RALGPS1: variants seen among roughly 807,000 people sequenced by gnomAD.
RALGPS1 encodes the protein Ral GEF with PH domain and SH3 binding motif 1, also known as ras-specific guanine nucleotide-releasing factor RalGPS1.
A neutral mutation model predicts 78.8 loss-of-function variants in RALGPS1; 19 were observed. That is an observed-to-expected ratio of 0.24 (90% CI 0.17 to 0.35). The LOEUF (loss-of-function observed/expected upper bound fraction) is 0.35, where lower values mean the gene tolerates loss of function less well. RALGPS1 is among the 10% of genes least tolerant of loss of function. The probability of loss-of-function intolerance (pLI) is 1.00; values close to 1 mark genes in which losing one functional copy is unlikely to be tolerated. For missense variants in RALGPS1, 454 were observed against 688.3 expected (o/e 0.66, Z 3.81); for synonymous variants, 228 against 256.3 (o/e 0.89, Z 1.06).
intron 4 of RALGPS1, among the ~76,000 whole-genome samples, chr9:127,016,244 G>A (rs909925636): frequency 3.9e-5 from 6 of 152,104 alleles, no homozygotes; most frequent in Admixed American, 6.5e-5. Context: ...ATTTGCCCTC[G>A]AAACACTGAA....
At chr9:127,075,113 C>T (rs1403820968) in intron 8 of RALGPS1, among the ~76,000 whole-genome samples, 2 of 152,224 alleles carry the variant, frequency 1.3e-5, no homozygotes, top group East Asian at 3.9e-4. Flanking sequence ...CACCTCATCT[C>T]AGCTGCTGCT....
chr9:126,956,249 C>T (rs3120027), intron 1 of RALGPS1, among the ~76,000 whole-genome samples: 2,173 of 151,872 alleles, frequency 0.014, 32 homozygotes, highest in Middle Eastern at 0.02. Flanking sequence ...GTTCTCAGGG[C>T]GGGGCTAGGC....
At chr9:127,159,562 A>T (rs1429145447) in intron 8 of RALGPS1, among the ~76,000 whole-genome samples, 1 of 152,214 alleles carries the variant, frequency 6.6e-6, no homozygotes, top group African/African-American at 2.4e-5. Context: ...CAGCTTTCAC[A>T]AAAGGAATAC....
At chr9:127,178,045 G>T in intron 11 of RALGPS1, 1 of 1,482,338 alleles carries the variant, frequency 6.7e-7, no homozygotes, top group African/African-American at 1.4e-5. Context: ...CCGGCCCAGG[G>T]TCCTGGGGAG....
At chr9:127,155,923 T>A (rs1045783197) in intron 8 of RALGPS1, among the ~76,000 whole-genome samples, 1 of 151,878 alleles carries the variant, frequency 6.6e-6, no homozygotes, top group Non-Finnish European at 1.5e-5. Context: ...CTTCTAAAAC[T>A]GTAGTATATA....
intron 4 of RALGPS1, among the ~76,000 whole-genome samples, chr9:126,992,712 T>A (rs563560124): frequency 6.6e-6 from 1 of 152,344 alleles, no homozygotes; most frequent in Non-Finnish European, 1.5e-5. Flanking sequence ...ATGTAGGTCT[T>A]CTCTAATTTA....
intron 4 of RALGPS1, among the ~76,000 whole-genome samples, chr9:127,001,816 G>T (rs563225595): frequency 2.0e-5 from 3 of 152,110 alleles, no homozygotes; most frequent in African/African-American, 7.2e-5. Context: ...CCTGGGAGGC[G>T]GAGGTTGCAG....
rs1194511765 is a variant in RALGPS1, at chr9:127,115,124, A to G, written c.610+45768A>G. Among the ~76,000 whole-genome samples the G allele has an allele frequency of 3.3e-5, 5 of 152,286 alleles. No individual in the cohort carries two copies. In the South Asian group the frequency reaches 8.3e-4, roughly 25 times the overall value. ...TATCTCATTGGCTCTTAATAGCTCT[A>G]TGAGTAGGGGACCATACATCCTGGT... On this transcript the variant is annotated intron_variant, in intron 8 of 18. Transcript: ENST00000259351.
At chr9:127,139,116 G>C (rs770045226) in intron 8 of RALGPS1, among the ~76,000 whole-genome samples, 1 of 152,122 alleles carries the variant, frequency 6.6e-6, no homozygotes, top group Non-Finnish European at 1.5e-5. Context: ...CAGACCTCAG[G>C]GCCAACAGTG....
At chr9:127,144,854 G>A (rs2058006900) in intron 8 of RALGPS1, among the ~76,000 whole-genome samples, 1 of 152,190 alleles carries the variant, frequency 6.6e-6, no homozygotes, top group South Asian at 2.1e-4. Flanking sequence ...CGGGGAATGG[G>A]GAGTGATTGC....
chr9:127,063,976 A>G (rs2049446687), intron 7 of RALGPS1, among the ~76,000 whole-genome samples: 1 of 152,224 alleles, frequency 6.6e-6, no homozygotes, highest in South Asian at 2.1e-4. Context: ...ATCATACCAG[A>G]TGCAGGGAAC....
At chr9:127,069,899 C>A (rs950713382) in intron 8 of RALGPS1, 1 of 152,162 alleles carries the variant, frequency 6.6e-6, no homozygotes, top group Non-Finnish European at 1.5e-5. Flanking sequence ...TATGCTTACT[C>A]TATCCTAAAA....
At chr9:126,950,163 A>C (rs1441651555) in intron 1 of RALGPS1, among the ~76,000 whole-genome samples, 1 of 149,806 alleles carries the variant, frequency 6.7e-6, no homozygotes, top group Non-Finnish European at 1.5e-5. Context: ...GTTCTGTTCC[A>C]TTGATCTATA....
chr9:127,030,783 TG>T (rs1320038665), intron 4 of RALGPS1, among the ~76,000 whole-genome samples: 3 of 151,248 alleles, frequency 2.0e-5, no homozygotes, highest in African/African-American at 7.3e-5. Context: ...AGGGGTGGGA[TG>T]GGGGCAGGAA....
intron 8 of RALGPS1, among the ~76,000 whole-genome samples, chr9:127,151,431 T>G (rs2069109613): frequency 2.0e-5 from 3 of 152,110 alleles, no homozygotes; most frequent in Admixed American, 2.0e-4. Flanking sequence ...TCCACTAATA[T>G]TTCATGGGTA....
intron 11 of RALGPS1, among the ~76,000 whole-genome samples, chr9:127,191,855 G>A (rs559831710): frequency 6.2e-4 from 94 of 151,906 alleles, no homozygotes; most frequent in Admixed American, 1.4e-3. Context: ...CTGCCACCAC[G>A]CCCGGCTAAT....
intron 14 of RALGPS1, among the ~76,000 whole-genome samples, chr9:127,209,578 G>A (rs1191963676): frequency 6.6e-6 from 1 of 152,126 alleles, no homozygotes; most frequent in Non-Finnish European, 1.5e-5. Context: ...CACATGCTAT[G>A]GTATACCATC....
intron 2 of RALGPS1, among the ~76,000 whole-genome samples, chr9:126,965,434 T>G (rs1243484359): frequency 1.0e-5 from 1 of 96,914 alleles, no homozygotes; most frequent in Non-Finnish European, 2.8e-5. Context: ...CAAGGAAGAT[T>G]GGGCTGTAAT....
At position 126,984,871 on chromosome 9, in the gene RALGPS1, T is replaced by C. The variant is rs536635598; in HGVS notation, c.216+7126T>C. Among the ~76,000 whole-genome samples, 91 of 152,360 alleles carry C rather than the reference T, an allele frequency of 6.0e-4. 1 individual carries two copies. Among genetic ancestry groups the C allele is most frequent in the Admixed American group, 1.8e-3 (27 of 15,304 alleles). ...GGGGAATAATATTTAGAAACCATAA[T>C]CTGGGTGAAGACTGCTTAGTATTAC... On this transcript the variant is annotated intron_variant, in intron 4 of 18. Coordinates refer to ENST00000259351, the MANE Select transcript of RALGPS1 (RefSeq NM_014636.3).
Sources: gnomAD v4.1 joint callset for allele counts (sites outside exome capture counted in the v4.1 genomes callset) on GRCh38, gnomAD v4.1.1 for gene constraint, MANE v1.5 for transcripts, NCBI Gene and HGNC (gene_info 2026-07-23, HGNC 2026-07-21) for gene names.